STAT1: variants seen among roughly 807,000 people sequenced by gnomAD.
STAT1 encodes the protein signal transducer and activator of transcription 1-alpha/beta.
In STAT1, 24 loss-of-function variants were observed where a neutral mutation model predicts 111.7. That is an observed-to-expected ratio of 0.21 (90% CI 0.16 to 0.30). The LOEUF is 0.30. STAT1 is among the 10% of genes least tolerant of loss of function. STAT1 has a pLI of 1.00. For missense variants in STAT1, 351 were observed against 911.9 expected, an observed-to-expected ratio of 0.38 and a Z score of 7.92; for synonymous variants, 332 against 326.5, an observed-to-expected ratio of 1.02 and a Z score of -0.18.
In STAT1 at chr2:190,975,655, G is replaced by A. The variant is rs1047419091; in HGVS notation, c.2135+157C>T. 1 of 1,449,840 alleles carries A rather than the reference G, an allele frequency of 6.9e-7. No individual in the cohort carries two copies. The highest frequency in any genetic ancestry group is 9.1e-7 in the Non-Finnish European group (1 of 1,103,086). The allele number at this position is 1,449,840 out of a possible 1,614,324, so 89.8% of individuals were successfully genotyped here. ...TTTTTTTTTTTTAAAGTAGTAAAAT[G>A]CTGATAGGCAGTAACACGGGGATCT... On this transcript the variant is annotated intron_variant, in intron 23 of 24. Transcript: ENST00000361099. The surrounding 1 kb of genome is among the most constrained non-coding windows in gnomAD (Gnocchi z 5.9).
chr2:190,977,689 C>T lies in STAT1; in HGVS notation c.1874-664G>A, dbSNP rs1364856268. ...GCCTGCTGTGGAACATGAGACTATG[C>T]TGCCATCCTAACCCTTCCTGGCTGG... On this transcript the variant is annotated intron_variant, in intron 21 of 24. Transcript: ENST00000361099. The surrounding 1 kb of genome is among the most constrained non-coding windows in gnomAD (Gnocchi z 4.7). Among the ~76,000 whole-genome samples the T allele has an allele frequency of 6.6e-6, 1 of 152,140 alleles. No homozygotes were observed. Among genetic ancestry groups the T allele is most frequent in the Non-Finnish European group, 1.5e-5 (1 of 68,028 alleles).
rs2066797 is a variant in STAT1, at chr2:190,989,697, T to C, written c.1038-23A>G. On this transcript the variant is annotated intron_variant, in intron 11 of 24. Coordinates refer to ENST00000361099, the MANE Select transcript of STAT1 (RefSeq NM_007315.4). This position sits in a 1 kb window ranked among gnomAD's most constrained non-coding sequence, Gnocchi z 5.0. The stretch of plus-strand genomic sequence containing the variant: ...AGTCTGGAAAGAAAAATAAAAGCCA[T>C]TACTTAAAAAAAATTATCTGTTACA... 0.069 allele frequency: 107,500 copies of C among 1,558,082 alleles called. 5,261 individuals are homozygous for C. Among genetic ancestry groups the C allele is most frequent in the Admixed American group, 0.18 (10,322 of 57,598 alleles).
rs1481820233 is a variant in STAT1, at chr2:190,975,469, T to C, written c.2135+343A>G. On this transcript the variant is annotated intron_variant, in intron 23 of 24. Transcript: ENST00000361099. This position sits in a 1 kb window ranked among gnomAD's most constrained non-coding sequence, Gnocchi z 5.9. ...AATGAAACAACAAAATCAAAGCAAG[T>C]GGAGACAGTGTATCTCAATCATTAC... The C allele has an allele frequency of 1.0e-6, 1 of 970,320 alleles. No individual in the cohort carries two copies. The highest frequency in any genetic ancestry group is 1.5e-6 in the Non-Finnish European group (1 of 672,444). 60.1% of individuals were successfully genotyped at this position (970,320 alleles called of 1,614,324 possible).
In STAT1 at chr2:190,999,638, A is replaced by G; in HGVS notation, c.529T>C (p.Leu177=). ...TGTGAACCCTTACCTCTGTTCTGCA[A>G]GGTTTTGCATTTGAAGTCATATTCA... ...QDEYDFKCKT[L]QNREHETNGV... Residue 177 remains leucine (L), a synonymous_variant, in exon 7 of 25, where the codon TTG becomes CTG. Transcript: ENST00000361099. The surrounding 1 kb of genome is among the most constrained non-coding windows in gnomAD (Gnocchi z 4.1). 1 of 1,613,736 alleles carries G rather than the reference A, an allele frequency of 6.2e-7. No homozygotes were observed.
rs1179362530 is a variant in STAT1 at position 190,975,734 on chromosome 2, A to G, written c.2135+78T>C. ...AATTACAATGGAAAAGTAAAATACA[A>G]GCATCTTCAACAGGCCCCAGCCAGG... On this transcript the variant is annotated intron_variant, in intron 23 of 24. Transcript: ENST00000361099. This position sits in a 1 kb window ranked among gnomAD's most constrained non-coding sequence, Gnocchi z 5.9. 1.9e-5 allele frequency: 31 copies of G among 1,595,042 alleles called. No individual in the cohort carries two copies. The highest frequency in any genetic ancestry group is 5.1e-6 in the Non-Finnish European group (6 of 1,169,752).
chr2:190,988,910 T>A (rs1388084955), intron 12 of STAT1, among the ~76,000 whole-genome samples: 1 of 59,892 alleles, frequency 1.7e-5, no homozygotes, highest in African/African-American at 6.2e-5. Flanking sequence ...ATGGGAGGGG[T>A]GGGGGGGGAG....
In STAT1 at chr2:190,973,933, C is replaced by T. The variant is rs45625838; in HGVS notation, c.2238+897G>A. On this transcript the variant is annotated intron_variant, in intron 24 of 24. Coordinates refer to ENST00000361099, the MANE Select transcript of STAT1 (RefSeq NM_007315.4). The surrounding 1 kb of genome is among the most constrained non-coding windows in gnomAD (Gnocchi z 4.4). ...AAATGTCTGAAGAGTGACGCCCTCT[C>T]ATTCTCGCTCACCTTTCCCCTCCCT... 0.026 allele frequency among the ~76,000 whole-genome samples: 3,970 copies of T among 152,254 alleles called. 210 individuals are homozygous for T. The highest frequency in any genetic ancestry group is 0.09 in the African/African-American group (3,725 of 41,502).
rs560112214 is a variant in STAT1, at chr2:190,989,460, G to T, written c.1097+155C>A. ...ATGCGCAGCATTGTCAGGACTCTGG[G>T]TTCAGCCCTGGGGCCCTAGGGAGGC... On this transcript the variant is annotated intron_variant, in intron 12 of 24. Coordinates refer to ENST00000361099, the MANE Select transcript of STAT1 (RefSeq NM_007315.4). The surrounding 1 kb of genome is among the most constrained non-coding windows in gnomAD (Gnocchi z 5.0). 5.0e-4 allele frequency among the ~76,000 whole-genome samples: 76 copies of T among 152,308 alleles called. No individual in the cohort carries two copies. The highest frequency in any genetic ancestry group is 1.4e-3 in the Admixed American group (21 of 15,292).
In STAT1 at chr2:190,989,755, T is replaced by C; in HGVS notation, c.1038-81A>G. On this transcript the variant is annotated intron_variant, in intron 11 of 24. Coordinates refer to ENST00000361099, the MANE Select transcript of STAT1 (RefSeq NM_007315.4). The surrounding 1 kb of genome is among the most constrained non-coding windows in gnomAD (Gnocchi z 5.0). ...TATTATGCCAATTCCCTATTAACGT[T>C]TAGATAAACTACTCCCCCTCCAGTT... The C allele has an allele frequency of 4.2e-6, 4 of 962,074 alleles. No individual in the cohort carries two copies. The South Asian group carries it at 5.9e-5, about 14-fold the overall frequency. 59.6% of individuals were successfully genotyped at this position (962,074 alleles called of 1,614,324 possible). A position where few individuals can be genotyped will look rare whatever the true frequency, so the allele number is the denominator to read the frequency against.
Position 190,999,275 on chromosome 2 carries a change from A to T in STAT1, c.541+351T>A, listed in dbSNP as rs890888770. ...AGGCGCAATAAATATGGTGAGTAAC[A>T]CATAACCAGTGGTTATCAAGTAGGG... On this transcript the variant is annotated intron_variant, in intron 7 of 24. Transcript: ENST00000361099. The surrounding 1 kb of genome is among the most constrained non-coding windows in gnomAD (Gnocchi z 4.1). Among the ~76,000 whole-genome samples, 3 of 152,152 alleles carry T rather than the reference A, an allele frequency of 2.0e-5. No individual in the cohort carries two copies. Among genetic ancestry groups the T allele is most frequent in the Non-Finnish European group, 2.9e-5 (2 of 68,020 alleles).
rs931097576 is a variant in STAT1, at chr2:190,977,810, G to C, written c.1874-785C>G. On this transcript the variant is annotated intron_variant, in intron 21 of 24. Coordinates refer to ENST00000361099, the MANE Select transcript of STAT1 (RefSeq NM_007315.4). The surrounding 1 kb of genome is among the most constrained non-coding windows in gnomAD (Gnocchi z 4.7). ...TCTCAGCTGGTTCAGGAAGGGAACAGGATAAGAGGAAAAGGGCAGGTTCTA... is the reference window on the plus strand; with the variant it reads ...TCTCAGCTGGTTCAGGAAGGGAACACGATAAGAGGAAAAGGGCAGGTTCTA... 1.2e-4 allele frequency among the ~76,000 whole-genome samples: 18 copies of C among 152,138 alleles called. No homozygotes were observed. Among genetic ancestry groups the C allele is most frequent in the Non-Finnish European group, 2.2e-4 (15 of 68,040 alleles).
chr2:190,975,267 A>AG lies in STAT1; in HGVS notation c.2136-336dup. On this transcript the variant is annotated intron_variant, in intron 23 of 24. Coordinates refer to ENST00000361099, the MANE Select transcript of STAT1 (RefSeq NM_007315.4). The surrounding 1 kb of genome is among the most constrained non-coding windows in gnomAD (Gnocchi z 5.9). ...CAATGCCTCGTGGCTTACCCTGGAC[A>AG]GAAAAGCACCAGAGAAATGTCTGGG... 4.3e-6 allele frequency: 2 copies of AG among 470,018 alleles called. No individual in the cohort carries two copies. The highest frequency in any genetic ancestry group is 8.6e-6 in the Non-Finnish European group (2 of 232,100). 29.1% of individuals were successfully genotyped at this position (470,018 alleles called of 1,614,324 possible). A position where few individuals can be genotyped will look rare whatever the true frequency, so the allele number is the denominator to read the frequency against.
chr2:190,996,156 C>CTAAA lies in STAT1; in HGVS notation c.786-941_786-938dup, dbSNP rs1693840432. 6.6e-6 allele frequency among the ~76,000 whole-genome samples: 1 copy of CTAAA among 152,164 alleles called. No homozygotes were observed. The highest frequency in any genetic ancestry group is 1.5e-5 in the Non-Finnish European group (1 of 68,018). On this transcript the variant is annotated intron_variant, in intron 9 of 24. Coordinates refer to ENST00000361099, the MANE Select transcript of STAT1 (RefSeq NM_007315.4). The surrounding 1 kb of genome is among the most constrained non-coding windows in gnomAD (Gnocchi z 4.5). ...GAAGGCAGTATGCTCAGTCTAGACC[C>CTAAA]TAAACATAAAAAGCCAATGAGTAAA...
At position 190,971,687 on chromosome 2, in the gene STAT1, TTA is replaced by T. The variant is rs1421703763; in HGVS notation, c.2239-972_2239-971del. Among the ~76,000 whole-genome samples the T allele has an allele frequency of 7.8e-6, 1 of 127,674 alleles. No homozygotes were observed. The highest frequency in any genetic ancestry group is 3.0e-5 in the African/African-American group (1 of 33,130). 83.8% of individuals were successfully genotyped at this position (127,674 alleles called of 152,430 possible). On this transcript the variant is annotated intron_variant, in intron 24 of 24. Coordinates refer to ENST00000361099, the MANE Select transcript of STAT1 (RefSeq NM_007315.4). This position sits in a 1 kb window ranked among gnomAD's most constrained non-coding sequence, Gnocchi z 4.1. ...TGTTGCCCCTATGTTTCAGTCTAGC[TTA>T]TGTTTCTCTTTTCTTTTTCTTTCTT...
In STAT1 at chr2:190,977,712, T is replaced by C. The variant is rs965924246; in HGVS notation, c.1874-687A>G. On this transcript the variant is annotated intron_variant, in intron 21 of 24. Coordinates refer to ENST00000361099, the MANE Select transcript of STAT1 (RefSeq NM_007315.4). The surrounding 1 kb of genome is among the most constrained non-coding windows in gnomAD (Gnocchi z 4.7). ...TGCTGCCATCCTAACCCTTCCTGGC[T>C]GGTAGTGTCCTGCTTGACCTTTCCT... 2.6e-5 allele frequency among the ~76,000 whole-genome samples: 4 copies of C among 152,128 alleles called. No individual in the cohort carries two copies. The highest frequency in any genetic ancestry group is 5.9e-5 in the Non-Finnish European group (4 of 68,028).
In STAT1 at chr2:190,981,792, A is replaced by G. The variant is rs1692412856; in HGVS notation, c.1582+591T>C. ...AAAGATCTGACCTTGAGACTAGTGG[A>G]TCTTTGATTTGTTTAGTATGAAGGA... is the stretch of plus-strand genomic sequence containing the variant. On this transcript the variant is annotated intron_variant, in intron 18 of 24. Transcript: ENST00000361099. The surrounding 1 kb of genome is among the most constrained non-coding windows in gnomAD (Gnocchi z 4.1). 6.6e-6 allele frequency among the ~76,000 whole-genome samples: 1 copy of G among 152,230 alleles called. No individual in the cohort carries two copies. Among genetic ancestry groups the G allele is most frequent in the African/African-American group, 2.4e-5 (1 of 41,458 alleles).
intron 10 of STAT1, among the ~76,000 whole-genome samples, chr2:190,991,823 C>T (rs1039570132): frequency 1.3e-5 from 2 of 151,966 alleles, no homozygotes; most frequent in African/African-American, 4.8e-5. Flanking sequence ...CACCACTGCA[C>T]TCCAGTCTGG....
rs1003845518 is a variant in STAT1, at chr2:191,012,193, GCCTGAGCT to G, written c.-2+1324_-2+1331del. ...TTTCGGAGGCCAAGGTGGGCGGATT[GCCTGAGCT>G]CCGGAGTTCAAGACCAGCCTGGGCA... On this transcript the variant is annotated intron_variant, in intron 2 of 24. Coordinates refer to ENST00000361099, the MANE Select transcript of STAT1 (RefSeq NM_007315.4). This position sits in a 1 kb window ranked among gnomAD's most constrained non-coding sequence, Gnocchi z 4.0. Among the ~76,000 whole-genome samples, 12 of 151,728 alleles carry G rather than the reference GCCTGAGCT, an allele frequency of 7.9e-5. No individual in the cohort carries two copies. Among genetic ancestry groups the G allele is most frequent in the African/African-American group, 2.9e-4 (12 of 41,348 alleles).
At chr2:190,972,708 T>C (rs1691584085) in intron 24 of STAT1, among the ~76,000 whole-genome samples, 1 of 151,996 alleles carries the variant, frequency 6.6e-6, no homozygotes, top group Non-Finnish European at 1.5e-5. Context: ...CGTGCCTATA[T>C]TATGAACTCT....
Sources: allele counts gnomAD v4.1 joint callset (sites outside exome capture counted in the v4.1 genomes callset), GRCh38; gene constraint gnomAD v4.1.1; non-coding constraint Gnocchi (gnomAD v3.1); transcripts MANE v1.5; gene names NCBI Gene and HGNC (gene_info 2026-07-23, HGNC 2026-07-21).